Variants in CARD10 observed in about 807,000 individuals in gnomAD.
CARD10 encodes caspase recruitment domain-containing protein 10.
In CARD10, 49 loss-of-function variants were observed where a neutral mutation model predicts 114.6. That is an observed-to-expected ratio of 0.43 (90% CI 0.34 to 0.54). CARD10 has a LOEUF of 0.54. CARD10 is among the 20% of genes least tolerant of loss of function. The pLI, the probability that CARD10 is intolerant of heterozygous loss-of-function variation, is 0.03. For missense variants in CARD10, 1,206 were observed against 1,397.2 expected, an observed-to-expected ratio of 0.86 and a Z score of 2.18; for synonymous variants, 602 against 593.2, an observed-to-expected ratio of 1.01 and a Z score of -0.21.
intron 8 of CARD10, 86 bp from the exon 9 acceptor site, chr22:37,504,387 A>C: frequency 1.7e-6 from 2 of 1,152,546 alleles, no homozygotes; most frequent in Non-Finnish European, 2.4e-6. Context: ...CCCATTCCAC[A>C]AATGAGAAGT....
At position 37,490,945 on chromosome 22, in the gene CARD10, A is replaced by C; in HGVS notation, c.*214T>G. The stretch of plus-strand genomic sequence containing the variant: ...GACCCCAGGAAAGGTGGGGAGGCCC[A>C]GAGCAGCAAGTAGAGGGGAGTGGGC... On this transcript the variant is annotated 3_prime_UTR_variant, in exon 20 of 20. Coordinates refer to ENST00000251973, the MANE Select transcript of CARD10 (RefSeq NM_014550.4). 1 of 576,756 alleles carries C rather than the reference A, an allele frequency of 1.7e-6. No homozygotes were observed. The highest frequency in any genetic ancestry group is 2.9e-5 in the East Asian group (1 of 34,740). 35.7% of individuals were successfully genotyped at this position (576,756 alleles called of 1,614,324 possible).
Position 37,516,062 on chromosome 22 carries a change from C to G in CARD10, c.610G>C (p.Asp204His). The change falls in exon 3 of 20, where the codon GAT becomes CAT. Residue 204 changes from aspartate to histidine, a missense_variant. By Grantham distance (81) the Asp-to-His change is moderately conservative (BLOSUM62 -1). This residue lies in a region of CARD10 where 1,068 missense variants were observed against 1,179.1 expected (regional missense o/e 0.91). Coordinates refer to ENST00000251973, the MANE Select transcript of CARD10 (RefSeq NM_014550.4). ...AGSLELLRLK[D>H]ENYMIAMRLA... is the part of the protein sequence containing the mutation. The stretch of plus-strand genomic sequence containing the variant: ...CGCATGGCGATCATGTAGTTCTCAT[C>G]CTTGAGCCGCAGCAGCTCCAGGCTG... The G allele has an allele frequency of 6.2e-7, 1 of 1,600,694 alleles. No individual in the cohort carries two copies. Among genetic ancestry groups the G allele is most frequent in the Non-Finnish European group, 8.5e-7 (1 of 1,174,196 alleles).
intron 2 of CARD10, 86 bp downstream of exon 2, chr22:37,517,884 TA>T: frequency 6.7e-7 from 1 of 1,502,672 alleles, no homozygotes; most frequent in Non-Finnish European, 9.0e-7. Flanking sequence ...TCAACAGGCA[TA>T]GTGGGAGCGC....
Position 37,510,137 on chromosome 22 carries a change from C to T in CARD10, c.909+75G>A, listed in dbSNP as rs1923579898. 6.5e-6 allele frequency: 6 copies of T among 927,906 alleles called. 1 individual carries two copies. Among genetic ancestry groups the T allele is most frequent in the Non-Finnish European group, 7.5e-6 (5 of 665,502 alleles). 57.5% of individuals were successfully genotyped at this position (927,906 alleles called of 1,614,324 possible). A position where few individuals can be genotyped will look rare whatever the true frequency, so the allele number is the denominator to read the frequency against. ...TGATCCCCCACCCCGCAGCCTGTGCCCACAAGCCCCAGTACCTGCTGCAGG... is the reference window on the plus strand; with the variant it reads ...TGATCCCCCACCCCGCAGCCTGTGCTCACAAGCCCCAGTACCTGCTGCAGG... On this transcript the variant is annotated intron_variant, in intron 4 of 19. Coordinates refer to ENST00000251973, the MANE Select transcript of CARD10 (RefSeq NM_014550.4).
chr22:37,493,001 C>T lies in CARD10; in HGVS notation c.2477-199G>A, dbSNP rs192354282. Reference sequence around the variant, plus strand: ...CCCTGATTCTCTGCCTCATCCCTGCCCCCTACGGGTCATTCTCCATCCAGC... The same window carrying T: ...CCCTGATTCTCTGCCTCATCCCTGCTCCCTACGGGTCATTCTCCATCCAGC... On this transcript the variant is annotated intron_variant, in intron 16 of 19. Transcript: ENST00000251973. Among the ~76,000 whole-genome samples, 66 of 152,242 alleles carry T rather than the reference C, an allele frequency of 4.3e-4. No individual in the cohort carries two copies. The East Asian group carries it at 8.9e-3, about 21-fold the overall frequency.
chr22:37,512,406 T>C (rs1923683221), intron 3 of CARD10, among the ~76,000 whole-genome samples: 1 of 151,018 alleles, frequency 6.6e-6, no homozygotes, highest in Non-Finnish European at 1.5e-5. Context: ...CCCTGGCCTC[T>C]CTTGGAAAGT....
chr22:37,495,416 A>T, intron 15 of CARD10, 101 bp downstream of exon 15: 1 of 837,682 alleles, frequency 1.2e-6, no homozygotes, highest in Non-Finnish European at 1.9e-6. Flanking sequence ...GGAAGGAGGG[A>T]GGGAGTGTCT....
Position 37,496,050 on chromosome 22 carries a change from T to C in CARD10, c.2060-47A>G, listed in dbSNP as rs1262402574. ...GGCAGCAAGGAGGACAAGAGGAGGA[T>C]GGTGAGGTCCAGGATCGGCCTTGGT... On this transcript the variant is annotated intron_variant, in intron 13 of 19. Transcript: ENST00000251973. This position sits in a 1 kb window ranked among gnomAD's most constrained non-coding sequence, Gnocchi z 4.1. The C allele has an allele frequency of 3.1e-6, 5 of 1,604,024 alleles. No homozygotes were observed. The Admixed American group carries it at 5.0e-5, about 16-fold the overall frequency.
At position 37,498,944 on chromosome 22, in the gene CARD10, GA is replaced by G. The variant is rs539129439; in HGVS notation, c.1788-1767del. 2.8e-3 allele frequency among the ~76,000 whole-genome samples: 431 copies of G among 151,596 alleles called. 4 individuals carry two copies. The highest frequency in any genetic ancestry group is 0.01 in the African/African-American group (419 of 41,256). On this transcript the variant is annotated intron_variant, in intron 11 of 19. Transcript: ENST00000251973. Reference sequence around the variant, plus strand: ...ACATGAATAAAAGATAATGCAGGGAGAGGTGGAAACCAGAGGACTCTGGGGC... The same window carrying G: ...ACATGAATAAAAGATAATGCAGGGAGGGTGGAAACCAGAGGACTCTGGGGC...
intron 16 of CARD10, 117 bp downstream of exon 16, chr22:37,493,969 C>A (rs2044377702): frequency 1.7e-5 from 13 of 773,674 alleles, no homozygotes; most frequent in Non-Finnish European, 6.8e-6. Context: ...CCTGTTGGAA[C>A]CCTCACAACA....
In CARD10 at chr22:37,491,876, A is replaced by G; in HGVS notation, c.2752-9T>C. On this transcript the variant is annotated splice_polypyrimidine_tract_variant and intron_variant, in intron 18 of 19. Transcript: ENST00000251973. ...TCCAGCAGGCAGTGCTTCTGCTTGGAGGATCGAGGCTACAATGTACTCCTG... is the reference window on the plus strand; with the variant it reads ...TCCAGCAGGCAGTGCTTCTGCTTGGGGGATCGAGGCTACAATGTACTCCTG... 1 of 1,591,442 alleles carries G rather than the reference A, an allele frequency of 6.3e-7. No individual in the cohort carries two copies. The highest frequency in any genetic ancestry group is 8.6e-7 in the Non-Finnish European group (1 of 1,167,292).
At position 37,490,684 on chromosome 22, in the gene CARD10, C is replaced by G; in HGVS notation, c.*475G>C. The G allele has an allele frequency of 6.3e-6, 1 of 158,432 alleles. No homozygotes were observed. Among genetic ancestry groups the G allele is most frequent in the Non-Finnish European group, 1.4e-5 (1 of 72,144 alleles). The allele number at this position is 158,432 out of a possible 1,614,324, so 9.8% of individuals were successfully genotyped here. A position where few individuals can be genotyped will look rare whatever the true frequency, so the allele number is the denominator to read the frequency against. ...CACCCCAGTCCATGCATGGCTGAATCCACGAGGAGCGCGAGCTGGATGGTG... is the reference window on the plus strand; with the variant it reads ...CACCCCAGTCCATGCATGGCTGAATGCACGAGGAGCGCGAGCTGGATGGTG... On this transcript the variant is annotated 3_prime_UTR_variant, in exon 20 of 20. Coordinates refer to ENST00000251973, the MANE Select transcript of CARD10 (RefSeq NM_014550.4).
intron 3 of CARD10, chr22:37,510,652 G>A: frequency 3.7e-6 from 2 of 538,740 alleles, no homozygotes; most frequent in Non-Finnish European, 6.6e-6. Context: ...CCCTCCCAGG[G>A]GAATCCACTC....
chr22:37,498,586 G>A (rs373051335), intron 11 of CARD10, among the ~76,000 whole-genome samples: 8 of 152,156 alleles, frequency 5.3e-5, no homozygotes, highest in South Asian at 4.1e-4. Flanking sequence ...CCACCCAATC[G>A]GCACTGCTGG....
intron 3 of CARD10, 195 bp from the exon 4 acceptor site, chr22:37,510,616 A>G (rs1923605093): frequency 5.2e-6 from 3 of 580,440 alleles, no homozygotes; most frequent in Non-Finnish European, 9.1e-6. Flanking sequence ...CTGAGGAAGG[A>G]GCAGTGGGTA....
Position 37,510,386 on chromosome 22 carries a change from C to T in CARD10, c.735G>A (p.Glu245=), listed in dbSNP as rs907289137. The T allele has an allele frequency of 1.2e-6, 2 of 1,613,726 alleles. No individual in the cohort carries two copies. The highest frequency in any genetic ancestry group is 1.7e-6 in the Non-Finnish European group (2 of 1,180,012). ...DQLKLKVSRL[E]EECALLRRAR... ...CCCTTCGAAGCAGTGCACACTCTTC[C>T]TCCAGCCGACTCACTTTGAGCTTGA... is the stretch of plus-strand genomic sequence containing the variant. The change falls in exon 4 of 20, where the codon GAG becomes GAA. Residue 245 remains glutamate, a synonymous_variant. Coordinates refer to ENST00000251973, the MANE Select transcript of CARD10 (RefSeq NM_014550.4).
Position 37,501,707 on chromosome 22 carries a change from C to A in CARD10, c.1787+895G>T, listed in dbSNP as rs1173375972. 3.3e-5 allele frequency among the ~76,000 whole-genome samples: 5 copies of A among 152,246 alleles called. No homozygotes were observed. Among genetic ancestry groups the A allele is most frequent in the Non-Finnish European group, 5.9e-5 (4 of 68,042 alleles). On this transcript the variant is annotated intron_variant, in intron 11 of 19. Coordinates refer to ENST00000251973, the MANE Select transcript of CARD10 (RefSeq NM_014550.4). The surrounding 1 kb of genome is among the most constrained non-coding windows in gnomAD (Gnocchi z 5.4). ...GTGGGACCCTGGGCAAGTTGCTTAA[C>A]CTCTCTGAGCCCCAGTTACCTCCTC...
In CARD10 at chr22:37,502,691, G is replaced by A. The variant is rs149176822; in HGVS notation, c.1698C>T (p.Leu566=). ...SVTLKPWSPG[L]SSSSSSDSVW... is the part of the protein sequence containing the mutation. ...CGCTGTCAGAGGATGAGGACGAAGA[G>A]AGGCCAGGGGACCAGGGCTTAAGTG... Residue 566 remains leucine, a synonymous_variant, in exon 11 of 20, where the codon CTC becomes CTT. Transcript: ENST00000251973. The A allele has an allele frequency of 6.2e-6, 10 of 1,613,792 alleles. No homozygotes were observed. Among genetic ancestry groups the A allele is most frequent in the Non-Finnish European group, 8.5e-6 (10 of 1,179,898 alleles).
chr22:37,492,645 C>T lies in CARD10; in HGVS notation c.2634G>A (p.Ala878=), dbSNP rs1046539117. ...CCCCTCCCCGGCACATAGTCTCACC[C>T]GCTGGGCACACTTGGAAGTCCAGCC... ...SSRLDFQVCP[A]ESLSGEELCP... Residue 878 remains alanine (A), a splice_region_variant and synonymous_variant, in exon 17 of 20, where the codon GCG becomes GCA. Coordinates refer to ENST00000251973, the MANE Select transcript of CARD10 (RefSeq NM_014550.4). This position sits in a 1 kb window ranked among gnomAD's most constrained non-coding sequence, Gnocchi z 5.7. 1.2e-6 allele frequency: 2 copies of T among 1,612,670 alleles called. No homozygotes were observed. The highest frequency in any genetic ancestry group is 1.7e-5 in the Admixed American group (1 of 59,946).
Sources: gnomAD v4.1 joint callset for allele counts (sites outside exome capture counted in the v4.1 genomes callset) on GRCh38, gnomAD v4.1.1 for gene constraint, gnomAD v4.1.1 regional missense constraint, Gnocchi (gnomAD v3.1) non-coding constraint, MANE v1.5 for transcripts, NCBI Gene and HGNC (gene_info 2026-07-23, HGNC 2026-07-21) for gene names.